LRRTM4: variants seen among roughly 807,000 people sequenced by gnomAD.
LRRTM4 encodes the protein leucine rich repeat transmembrane neuronal 4.
A neutral mutation model predicts 47.6 loss-of-function variants in LRRTM4; 25 were observed. The observed-to-expected ratio is 0.53, with a 90% CI of 0.38 to 0.73. The LOEUF (loss-of-function observed/expected upper bound fraction) is 0.73. LRRTM4 is among the 30% of genes least tolerant of loss of function. The pLI is 0.00. For missense variants in LRRTM4, 638 were observed against 713.4 expected (o/e 0.89, Z 1.20); for synonymous variants, 311 against 269.5 (o/e 1.15, Z -1.51).
chr2:76,794,717 G>A (rs1017377213), intron 3 of LRRTM4, among the ~76,000 whole-genome samples: 3 of 152,018 alleles, frequency 2.0e-5, no homozygotes, highest in Admixed American at 2.0e-4. Context: ...ATTTTTCACT[G>A]GCTAATTCTT....
At chr2:77,408,806 G>A (rs771347630) in intron 3 of LRRTM4, among the ~76,000 whole-genome samples, 5 of 151,996 alleles carry the variant, frequency 3.3e-5, no homozygotes, top group African/African-American at 4.8e-5. Context: ...CAATCCCCCG[G>A]TGTCTAATAC....
At chr2:77,049,356 T>C (rs1437545998) in intron 3 of LRRTM4, among the ~76,000 whole-genome samples, 2 of 151,492 alleles carry the variant, frequency 1.3e-5, no homozygotes, top group African/African-American at 2.4e-5. Flanking sequence ...TCATTTGTAA[T>C]TGTTTGAGGA....
intron 3 of LRRTM4, among the ~76,000 whole-genome samples, chr2:77,049,670 CTTAT>C (rs200746974): frequency 0.013 from 1,974 of 146,344 alleles, 46 homozygotes; most frequent in African/African-American, 0.052. Flanking sequence ...GCTTGAGTTT[CTTAT>C]TTATTATTAA....
intron 3 of LRRTM4, among the ~76,000 whole-genome samples, chr2:77,234,748 A>C (rs1004815050): frequency 4.6e-5 from 7 of 152,104 alleles, no homozygotes; most frequent in African/African-American, 1.4e-4. Context: ...ATATTTTATT[A>C]GTTTTCTAAC....
In LRRTM4 at chr2:77,385,917, T is replaced by A. The variant is rs143242562; in HGVS notation, c.1551+132401A>T. ...TGCCTGCCACCACTCCTGGCTATTT[T>A]TTTTTTATTTTTTATTTTTAGCAGA... On this transcript the variant is annotated intron_variant, in intron 3 of 3. Coordinates refer to ENST00000409884, the MANE Select transcript of LRRTM4 (RefSeq NM_001134745.3). 6.4e-3 allele frequency among the ~76,000 whole-genome samples: 974 copies of A among 151,518 alleles called. 10 individuals carry two copies. The highest frequency in any genetic ancestry group is 0.022 in the African/African-American group (923 of 41,364).
At chr2:77,074,818 G>C (rs1680278867) in intron 3 of LRRTM4, among the ~76,000 whole-genome samples, 1 of 152,170 alleles carries the variant, frequency 6.6e-6, no homozygotes, top group Non-Finnish European at 1.5e-5. Context: ...GCACTGAAAA[G>C]TTGTGTCAGA....
At chr2:76,958,344 A>G (rs771140824) in intron 3 of LRRTM4, among the ~76,000 whole-genome samples, 13 of 151,714 alleles carry the variant, frequency 8.6e-5, no homozygotes, top group Admixed American at 2.0e-4. Context: ...GGCATTGTGT[A>G]CTGATGGATT....
intron 3 of LRRTM4, among the ~76,000 whole-genome samples, chr2:77,134,463 TG>T (rs2103983124): frequency 6.6e-6 from 1 of 152,328 alleles, no homozygotes; most frequent in African/African-American, 2.4e-5. Flanking sequence ...TTCAGGATTC[TG>T]GAGATAATTA....
At chr2:77,144,732 T>C (rs935655131) in intron 3 of LRRTM4, among the ~76,000 whole-genome samples, 4 of 152,178 alleles carry the variant, frequency 2.6e-5, no homozygotes, top group Admixed American at 6.5e-5. Flanking sequence ...AGCTGTGTGA[T>C]AGCCTATAGA....
intron 3 of LRRTM4, among the ~76,000 whole-genome samples, chr2:77,184,032 T>C (rs887556511): frequency 2.0e-5 from 3 of 152,048 alleles, no homozygotes; most frequent in Non-Finnish European, 2.9e-5. Context: ...TGTATACATA[T>C]GTAATAAACC....
intron 3 of LRRTM4, among the ~76,000 whole-genome samples, chr2:76,822,412 CAA>C (rs1257286077): frequency 6.6e-6 from 1 of 150,938 alleles, no homozygotes; most frequent in Non-Finnish European, 1.5e-5. Context: ...AAAAAGAGGA[CAA>C]GAGAGTAAAA....
At chr2:76,809,926 C>G (rs1036038526) in intron 3 of LRRTM4, among the ~76,000 whole-genome samples, 1 of 152,096 alleles carries the variant, frequency 6.6e-6, no homozygotes, top group African/African-American at 2.4e-5. Context: ...TATACAGTTC[C>G]TATTCAAACC....
chr2:77,272,653 G>A (rs1188745182), intron 3 of LRRTM4, among the ~76,000 whole-genome samples: 1 of 152,124 alleles, frequency 6.6e-6, no homozygotes, highest in African/African-American at 2.4e-5. Context: ...GGTCCAGTGG[G>A]ATTTGTTTGT....
At chr2:76,937,760 G>A (rs942777500) in intron 3 of LRRTM4, among the ~76,000 whole-genome samples, 3 of 152,168 alleles carry the variant, frequency 2.0e-5, no homozygotes, top group East Asian at 1.9e-4. Flanking sequence ...TACAGACGGG[G>A]TTTCACCATG....
chr2:77,381,118 A>G (rs1275781759), intron 3 of LRRTM4, among the ~76,000 whole-genome samples: 1 of 152,046 alleles, frequency 6.6e-6, no homozygotes, highest in African/African-American at 2.4e-5. Context: ...GATTAAGAGA[A>G]ACACAATAAA....
chr2:77,017,693 G>T (rs889400935), intron 3 of LRRTM4, among the ~76,000 whole-genome samples: 1 of 152,082 alleles, frequency 6.6e-6, no homozygotes, highest in Non-Finnish European at 1.5e-5. Context: ...CTTACAACCC[G>T]AGGTAGTCAT....
At chr2:76,918,651 G>C (rs1057136843) in intron 3 of LRRTM4, among the ~76,000 whole-genome samples, 2 of 152,092 alleles carry the variant, frequency 1.3e-5, no homozygotes, top group South Asian at 4.1e-4. Flanking sequence ...ACTCTTGGTG[G>C]CCTAGTTAAC....
chr2:77,396,828 A>T (rs1476735708), intron 3 of LRRTM4, among the ~76,000 whole-genome samples: 2 of 151,924 alleles, frequency 1.3e-5, no homozygotes, highest in African/African-American at 4.8e-5. Context: ...AACAAGTTCA[A>T]TTGAGATCAA....
At chr2:77,498,812 C>T (rs1411588114) in intron 3 of LRRTM4, among the ~76,000 whole-genome samples, 1 of 151,878 alleles carries the variant, frequency 6.6e-6, no homozygotes, top group African/African-American at 2.4e-5. Flanking sequence ...GTCCTTCAGG[C>T]TCAACATGGG....
Sources: allele counts gnomAD v4.1 joint callset (sites outside exome capture counted in the v4.1 genomes callset), GRCh38; gene constraint gnomAD v4.1.1; transcripts MANE v1.5; gene names NCBI Gene and HGNC (gene_info 2026-07-23, HGNC 2026-07-21).